Variants in MGAT5B observed in about 807,000 individuals in gnomAD.
MGAT5B encodes N-acetylglucosaminyl-transferase Vb.
MGAT5B carries 54 observed loss-of-function variants against 95.1 expected under a neutral mutation model. The observed-to-expected ratio is 0.57, with a 90% CI of 0.46 to 0.71. MGAT5B has a LOEUF of 0.71. Among genes scored for constraint, MGAT5B ranks in the 30% least tolerant of loss-of-function variants. The pLI, the probability that MGAT5B is intolerant of heterozygous loss-of-function variation, is 0.00. For synonymous variants in MGAT5B, 464 were observed against 451.0 expected, an observed-to-expected ratio of 1.03 and a Z score of -0.36; for missense variants, 935 against 1,088.6, an observed-to-expected ratio of 0.86 and a Z score of 1.99.
chr17:76,894,590 T>C (rs1374400540), intron 3 of MGAT5B, among the ~76,000 whole-genome samples: 1 of 152,148 alleles, frequency 6.6e-6, no homozygotes, highest in Non-Finnish European at 1.5e-5. Context: ...GCGCAGTGGC[T>C]CATGCCTGTA....
At chr17:76,939,420 A>G (rs1969794428) in intron 13 of MGAT5B, among the ~76,000 whole-genome samples, 1 of 152,124 alleles carries the variant, frequency 6.6e-6, no homozygotes, top group South Asian at 2.1e-4. Flanking sequence ...AGGGTGAGAC[A>G]GGGGAATTGC....
intron 11 of MGAT5B, 125 bp downstream of exon 11, chr17:76,932,900 G>C: frequency 7.1e-7 from 1 of 1,413,018 alleles, no homozygotes; most frequent in Non-Finnish European, 9.4e-7. Context: ...TGCTGGAAAT[G>C]TCTCCCATGA....
chr17:76,913,615 C>A, intron 8 of MGAT5B: 7 of 458,034 alleles, frequency 1.5e-5, no homozygotes, highest in South Asian at 1.1e-4. Context: ...GATGGGAAAA[C>A]AGGCTTGAGG....
At chr17:76,911,836 A>G (rs1383415961) in intron 8 of MGAT5B, among the ~76,000 whole-genome samples, 1 of 152,228 alleles carries the variant, frequency 6.6e-6, no homozygotes, top group Non-Finnish European at 1.5e-5. Flanking sequence ...ACACAGCAGG[A>G]ATGAATGAAC....
rs1968507625 is a variant in MGAT5B at position 76,905,910 on chromosome 17, C to T, written c.856-108C>T. 1 of 1,276,840 alleles carries T rather than the reference C, an allele frequency of 7.8e-7. No individual in the cohort carries two copies. Among genetic ancestry groups the T allele is most frequent in the Non-Finnish European group, 1.1e-6 (1 of 941,096 alleles). 79.1% of individuals were successfully genotyped at this position (1,276,840 alleles called of 1,614,324 possible). A position where few individuals can be genotyped will look rare whatever the true frequency, so the allele number is the denominator to read the frequency against. ...CCGGAAAGCACCTGCTGGGGCCCAG[C>T]CTGGAGACAGGGTCTGCTGCCGGCT... On this transcript the variant is annotated intron_variant, in intron 7 of 17. Transcript: ENST00000569840. This position sits in a 1 kb window ranked among gnomAD's most constrained non-coding sequence, Gnocchi z 4.2.
rs1966890626 is a variant in MGAT5B, at chr17:76,868,870, C to T, written c.-160C>T. The T allele has an allele frequency of 1.9e-6, 1 of 522,106 alleles. No homozygotes were observed. The allele number at this position is 522,106 out of a possible 1,614,324, so 32.3% of individuals were successfully genotyped here. Reference sequence around the variant, plus strand: ...GCCGCGCCGCTCCCTCCGCTGCACGCCCAGGCCTGAGCAGCGAGGCCACCG... The same window carrying T: ...GCCGCGCCGCTCCCTCCGCTGCACGTCCAGGCCTGAGCAGCGAGGCCACCG... On this transcript the variant is annotated 5_prime_UTR_variant, in exon 1 of 18. Transcript: ENST00000569840. This position sits in a 1 kb window ranked among gnomAD's most constrained non-coding sequence, Gnocchi z 6.3.
intron 17 of MGAT5B, 54 bp from the exon 18 acceptor site, chr17:76,948,586 C>T: frequency 3.9e-6 from 6 of 1,542,316 alleles, no homozygotes; most frequent in Non-Finnish European, 5.3e-6. Flanking sequence ...CCCGCCCCAG[C>T]CCTTCTGCCC....
intron 10 of MGAT5B, among the ~76,000 whole-genome samples, chr17:76,932,280 G>A (rs576525078): frequency 5.3e-5 from 8 of 152,040 alleles, no homozygotes; most frequent in African/African-American, 1.4e-4. Context: ...CTATAGGCGC[G>A]TGCCACCATG....
chr17:76,944,528 G>C (rs1039755611), intron 15 of MGAT5B, among the ~76,000 whole-genome samples: 1 of 152,196 alleles, frequency 6.6e-6, no homozygotes, highest in Non-Finnish European at 1.5e-5. Flanking sequence ...CTGGCTGCCA[G>C]GGTCTTCTTG....
At chr17:76,925,172 C>T in intron 9 of MGAT5B, 75 bp downstream of exon 9, 1 of 1,584,558 alleles carries the variant, frequency 6.3e-7, no homozygotes, top group East Asian at 2.2e-5. Context: ...GCCCTGCCCC[C>T]ACGTCCCCAC....
At chr17:76,874,129 G>A (rs532017052) in intron 2 of MGAT5B, among the ~76,000 whole-genome samples, 23 of 152,122 alleles carry the variant, frequency 1.5e-4, no homozygotes, top group Non-Finnish European at 2.6e-4. Flanking sequence ...AATTTATCCC[G>A]TCTCTGACTT....
intron 3 of MGAT5B, among the ~76,000 whole-genome samples, chr17:76,901,585 C>T (rs1968317362): frequency 6.6e-6 from 1 of 152,122 alleles, no homozygotes; most frequent in South Asian, 2.1e-4. Context: ...AATAAATCCT[C>T]CAAAAATAAA....
intron 3 of MGAT5B, among the ~76,000 whole-genome samples, chr17:76,887,090 TTA>T (rs1967659954): frequency 1.3e-5 from 2 of 152,010 alleles, no homozygotes; most frequent in East Asian, 3.9e-4. Context: ...ACTCCCCAGT[TTA>T]TGTCTTAAGC....
In MGAT5B at chr17:76,917,706, G is replaced by C. The variant is rs777895086; in HGVS notation, c.1026-7260G>C. 6.6e-6 allele frequency among the ~76,000 whole-genome samples: 1 copy of C among 152,110 alleles called. No homozygotes were observed. The highest frequency in any genetic ancestry group is 2.4e-5 in the African/African-American group (1 of 41,400). ...AGTCTTACCCCAAGGTCCCTGCACA[G>C]GTTGGTTCTCAGCAAAGGTTGGTGG... On this transcript the variant is annotated intron_variant, in intron 8 of 17. Coordinates refer to ENST00000569840, the MANE Select transcript of MGAT5B (RefSeq NM_001199172.2). The surrounding 1 kb of genome is among the most constrained non-coding windows in gnomAD (Gnocchi z 6.1).
Position 76,905,983 on chromosome 17 carries a change from C to T in MGAT5B, c.856-35C>T, listed in dbSNP as rs778917560. On this transcript the variant is annotated intron_variant, in intron 7 of 17. Transcript: ENST00000569840. This position sits in a 1 kb window ranked among gnomAD's most constrained non-coding sequence, Gnocchi z 4.2. ...GGGGGCGGGGCTCAGAGCTGCTGCT[C>T]CTCTCTGCTGACCCTCTGTGTTCCG... 1.8e-5 allele frequency: 28 copies of T among 1,554,830 alleles called. No individual in the cohort carries two copies. The East Asian group carries it at 2.7e-4, about 15-fold the overall frequency.
At chr17:76,907,390 G>A (rs1473953436) in intron 8 of MGAT5B, among the ~76,000 whole-genome samples, 1 of 152,156 alleles carries the variant, frequency 6.6e-6, no homozygotes, top group Non-Finnish European at 1.5e-5. Flanking sequence ...TCTTAATAGT[G>A]TATCCATAAA....
Position 76,892,630 on chromosome 17 carries a change from A to G in MGAT5B, c.330-9925A>G, listed in dbSNP as rs150982820. Among the ~76,000 whole-genome samples the G allele has an allele frequency of 3.0e-3, 464 of 152,358 alleles. 4 individuals carry two copies. Among genetic ancestry groups the G allele is most frequent in the African/African-American group, 0.011 (439 of 41,582 alleles). ...AGCTTATTCCTGTGAAAGGATATGG[A>G]TGAAAATCAGCCAAGGGGAGCGGCG... is the stretch of plus-strand genomic sequence containing the variant. On this transcript the variant is annotated intron_variant, in intron 3 of 17. Coordinates refer to ENST00000569840, the MANE Select transcript of MGAT5B (RefSeq NM_001199172.2).
chr17:76,919,579 G>A (rs1171106190), intron 8 of MGAT5B, among the ~76,000 whole-genome samples: 3 of 152,172 alleles, frequency 2.0e-5, no homozygotes, highest in Non-Finnish European at 4.4e-5. Flanking sequence ...ACAGGTGCAT[G>A]CCACCATGCC....
chr17:76,939,947 T>C (rs1210636814), intron 13 of MGAT5B, among the ~76,000 whole-genome samples: 2 of 152,152 alleles, frequency 1.3e-5, no homozygotes, highest in South Asian at 4.2e-4. Flanking sequence ...GTTGGTTCCA[T>C]GTCTTTGCTG....
Sources: allele counts gnomAD v4.1 joint callset (sites outside exome capture counted in the v4.1 genomes callset), GRCh38; gene constraint gnomAD v4.1.1; non-coding constraint Gnocchi (gnomAD v3.1); transcripts MANE v1.5; gene names NCBI Gene and HGNC (gene_info 2026-07-23, HGNC 2026-07-21).